ALKBH8: variants seen among roughly 807,000 people sequenced by gnomAD.
ALKBH8 encodes the protein tRNA (carboxymethyluridine(34)-5-O)-methyltransferase ALKBH8.
ALKBH8 carries 36 observed loss-of-function variants against 59.8 expected under a neutral mutation model. The observed-to-expected ratio is 0.60, with a 90% CI of 0.46 to 0.79. The LOEUF (loss-of-function observed/expected upper bound fraction) is 0.79, where lower values mean the gene tolerates loss of function less well. Ranked by LOEUF, ALKBH8 falls within the 30% of genes least tolerant of loss-of-function variation. The pLI is 0.00. For missense variants in ALKBH8, 768 were observed against 801.0 expected (o/e 0.96, Z 0.50); for synonymous variants, 276 against 273.6 (o/e 1.01, Z -0.09).
In ALKBH8 at chr11:107,504,833, G is replaced by C. The variant is rs150879765; in HGVS notation, c.1820C>G (p.Pro607Arg). 9.4e-4 allele frequency: 1,453 copies of C among 1,551,722 alleles called. 25 individuals are homozygous for C. In the East Asian group the frequency reaches 0.033, roughly 35 times the overall value. ...TCCTATGGGACCAAATGGCTCAACA[G>C]GTTTGCCTTTATCAGGATTTCCCTT... The part of the protein sequence containing the change: ...HLKGNPDKGK[P>R]VEPFGPIGSQ... Residue 607 changes from proline to arginine, a missense_variant, in exon 12 of 12, where the codon CCT (proline) becomes CGT (arginine). Coordinates refer to ENST00000428149, the MANE Select transcript of ALKBH8 (RefSeq NM_138775.3).
At chr11:107,509,906 T>G (rs1862552554) in intron 11 of ALKBH8, among the ~76,000 whole-genome samples, 1 of 152,216 alleles carries the variant, frequency 6.6e-6, no homozygotes, top group East Asian at 1.9e-4. Flanking sequence ...TAAGTTATAA[T>G]ACAACAACTG....
intron 2 of ALKBH8, among the ~76,000 whole-genome samples, chr11:107,559,185 C>T (rs556087598): frequency 2.0e-5 from 3 of 152,284 alleles, no homozygotes; most frequent in Non-Finnish European, 4.4e-5. Context: ...GAGGCCTCCC[C>T]GGCCACGTGG....
chr11:107,510,994 C>T lies in ALKBH8; in HGVS notation c.1330G>A (p.Glu444Lys), dbSNP rs759781025. 3.2e-6 allele frequency: 5 copies of T among 1,551,856 alleles called. No homozygotes were observed. The South Asian group carries it at 4.8e-5, about 15-fold the overall frequency. The change falls in exon 11 of 12, where the codon GAG becomes AAG. Residue 444 changes from glutamate to lysine, a missense_variant. Physicochemically the swap from Glu to Lys is moderately conservative, Grantham distance 56. Transcript: ENST00000428149. ...RSQNLVDICR[E>K]RQFQAFVCDA... ...CAGACAAAAGCCTGAAATTGCCTCT[C>T]TCTACAAATGTCCACAAGGTTTTGG...
intron 3 of ALKBH8, among the ~76,000 whole-genome samples, chr11:107,555,104 A>T (rs1043499461): frequency 1.3e-5 from 2 of 152,018 alleles, no homozygotes; most frequent in African/African-American, 2.4e-5. Flanking sequence ...CTAAAAATAC[A>T]AAAAAATTAG....
intron 10 of ALKBH8, among the ~76,000 whole-genome samples, chr11:107,513,117 T>C (rs1258233383): frequency 6.6e-6 from 1 of 152,132 alleles, no homozygotes; most frequent in East Asian, 1.9e-4. Flanking sequence ...ACAGACAACC[T>C]ACAGAATGGG....
At chr11:107,532,458 A>C in intron 7 of ALKBH8, 52 bp from the exon 8 acceptor site, 1 of 1,363,208 alleles carries the variant, frequency 7.3e-7, no homozygotes. Flanking sequence ...CATATACTCC[A>C]AGGATAAGAA....
At chr11:107,506,870 G>A (rs1862410729) in intron 11 of ALKBH8, among the ~76,000 whole-genome samples, 1 of 151,836 alleles carries the variant, frequency 6.6e-6, no homozygotes, top group African/African-American at 2.4e-5. Context: ...TACCAGAAAG[G>A]GTAAATAAAG....
intron 11 of ALKBH8, among the ~76,000 whole-genome samples, chr11:107,506,488 G>C (rs1224114974): frequency 1.3e-5 from 2 of 151,400 alleles, no homozygotes; most frequent in Non-Finnish European, 2.9e-5. Context: ...AAAAACCAGA[G>C]GAAAAGATCA....
chr11:107,528,724 C>A (rs182339618), intron 8 of ALKBH8, among the ~76,000 whole-genome samples: 56 of 152,230 alleles, frequency 3.7e-4, no homozygotes, highest in African/African-American at 1.3e-3. Context: ...ACAGGTAATC[C>A]ATATGTTAAA....
At chr11:107,549,042 G>A (rs551901279) in intron 7 of ALKBH8, among the ~76,000 whole-genome samples, 5 of 152,046 alleles carry the variant, frequency 3.3e-5, no homozygotes, top group African/African-American at 7.2e-5. Context: ...TAGTAGAGAC[G>A]GGGTTTCACC....
At chr11:107,554,324 G>T (rs980991255) in intron 3 of ALKBH8, among the ~76,000 whole-genome samples, 3 of 152,074 alleles carry the variant, frequency 2.0e-5, no homozygotes, top group African/African-American at 7.2e-5. Context: ...ATGAATACAA[G>T]AATTTAAATA....
intron 9 of ALKBH8, 35 bp downstream of exon 9, chr11:107,525,406 T>C: frequency 6.7e-7 from 1 of 1,497,642 alleles, no homozygotes; most frequent in South Asian, 1.3e-5. Context: ...TTAAACTGAC[T>C]CCATTTTACA....
At chr11:107,521,304 G>A (rs1185755284) in intron 10 of ALKBH8, among the ~76,000 whole-genome samples, 2 of 152,112 alleles carry the variant, frequency 1.3e-5, no homozygotes, top group Non-Finnish European at 2.9e-5. Flanking sequence ...TAGAAGAATG[G>A]TATATCACTT....
chr11:107,535,940 A>C (rs1221250930), intron 7 of ALKBH8, among the ~76,000 whole-genome samples: 1 of 152,224 alleles, frequency 6.6e-6, no homozygotes, highest in Non-Finnish European at 1.5e-5. Flanking sequence ...TCAAGTGTTA[A>C]ATTAAATTTA....
intron 7 of ALKBH8, among the ~76,000 whole-genome samples, chr11:107,543,273 T>C (rs573651225): frequency 6.6e-6 from 1 of 151,754 alleles, no homozygotes; most frequent in East Asian, 2.0e-4. Context: ...AGGCGGAGGT[T>C]GCAGTGAGCC....
At chr11:107,558,266 G>T (rs1213221946) in intron 2 of ALKBH8, among the ~76,000 whole-genome samples, 1 of 152,146 alleles carries the variant, frequency 6.6e-6, no homozygotes, top group African/African-American at 2.4e-5. Flanking sequence ...AATAAGGAAA[G>T]TAAAACTGTT....
chr11:107,552,642 A>C (rs895133630), intron 5 of ALKBH8, among the ~76,000 whole-genome samples: 5 of 152,198 alleles, frequency 3.3e-5, no homozygotes, highest in Non-Finnish European at 5.9e-5. Flanking sequence ...ATATGCTGGT[A>C]CAACTGTTTT....
chr11:107,514,851 C>T (rs1407426610), intron 10 of ALKBH8, among the ~76,000 whole-genome samples: 4 of 151,776 alleles, frequency 2.6e-5, no homozygotes, highest in East Asian at 3.9e-4. Context: ...GGATAGGGCT[C>T]GATAGTTACT....
At chr11:107,544,723 A>G (rs199721105) in intron 7 of ALKBH8, among the ~76,000 whole-genome samples, 12 of 152,080 alleles carry the variant, frequency 7.9e-5, no homozygotes, top group East Asian at 5.8e-4. Context: ...TGATGCAACT[A>G]AAGAACCCAC....
Sources: gnomAD v4.1 joint callset for allele counts (sites outside exome capture counted in the v4.1 genomes callset) on GRCh38, gnomAD v4.1.1 for gene constraint, MANE v1.5 for transcripts, NCBI Gene and HGNC (gene_info 2026-07-23, HGNC 2026-07-21) for gene names.